Variants in CPED1 observed in about 807,000 individuals in gnomAD.
The protein encoded by CPED1 is cadherin-like and PC-esterase domain-containing protein 1.
Under a neutral mutation model 128.2 loss-of-function variants are expected in CPED1, and 114 were observed. The ratio of observed to expected loss-of-function variants is 0.89; its 90% CI spans 0.76 to 1.04. CPED1 has a LOEUF of 1.04. CPED1 is among the 50% of genes least tolerant of loss of function. The pLI is 0.00. For missense variants in CPED1, 1,211 were observed against 1,207.1 expected, an observed-to-expected ratio of 1.00 and a Z score of -0.05; for synonymous variants, 462 against 426.7, an observed-to-expected ratio of 1.08 and a Z score of -1.02.
rs374207025 is a variant in CPED1, at chr7:121,287,042, GT to G, written c.2869-8396del. 1.6e-3 allele frequency among the ~76,000 whole-genome samples: 243 copies of G among 152,252 alleles called. 1 individual carries two copies. The highest frequency in any genetic ancestry group is 5.7e-3 in the African/African-American group (238 of 41,542). Reference sequence around the variant, plus strand: ...TAAATCCCATGAGAACTCACTCACTGTTATGAAAACAGCATGGAGGAAACCA... The same window carrying G: ...TAAATCCCATGAGAACTCACTCACTGTATGAAAACAGCATGGAGGAAACCA... On this transcript the variant is annotated intron_variant, in intron 22 of 22. Coordinates refer to ENST00000310396, the MANE Select transcript of CPED1 (RefSeq NM_024913.5).
chr7:120,989,015 T>C (rs1366876641), intron 1 of CPED1, 103 bp downstream of exon 1: 1 of 152,532 alleles, frequency 6.6e-6, no homozygotes, highest in Non-Finnish European at 1.5e-5. Flanking sequence ...CTTTTTATGT[T>C]AAAAGCCGTG....
Position 121,244,188 on chromosome 7 carries a change from G to A in CPED1, c.2174-14G>A, listed in dbSNP as rs763043899. The A allele has an allele frequency of 1.8e-5, 29 of 1,613,968 alleles. 1 individual carries two copies. The East Asian group carries it at 2.2e-4, about 12-fold the overall frequency. On this transcript the variant is annotated splice_polypyrimidine_tract_variant and intron_variant, in intron 17 of 22. Transcript: ENST00000310396. ...CAGAAACAGAACCAAAGAAAGTTTT[G>A]CCATCTATTCCAGGCCAGTGGATTG... is the stretch of plus-strand genomic sequence containing the variant.
At chr7:121,164,851 T>A (rs1796488737) in intron 16 of CPED1, among the ~76,000 whole-genome samples, 1 of 152,234 alleles carries the variant, frequency 6.6e-6, no homozygotes, top group Admixed American at 6.5e-5. Context: ...GAGATAGTTT[T>A]ATTAGGGAAT....
chr7:121,212,972 G>A (rs760059891), intron 16 of CPED1, among the ~76,000 whole-genome samples: 29 of 151,940 alleles, frequency 1.9e-4, no homozygotes, highest in Non-Finnish European at 2.8e-4. Flanking sequence ...TTTTTCCGGG[G>A]GGGTGCAGGA....
rs890661163 is a variant in CPED1, at chr7:121,183,845, G to A, written c.2055+41704G>A. Among the ~76,000 whole-genome samples the A allele has an allele frequency of 2.6e-5, 4 of 152,066 alleles. No individual in the cohort carries two copies. In the East Asian group the frequency reaches 5.8e-4, roughly 22 times the overall value. Reference sequence around the variant, plus strand: ...ATTAAAGATTCATACAATTCACTTGGGGGTAGAGAACGACTGTTTTCCATA... The same window carrying A: ...ATTAAAGATTCATACAATTCACTTGAGGGTAGAGAACGACTGTTTTCCATA... On this transcript the variant is annotated intron_variant, in intron 16 of 22. Transcript: ENST00000310396.
intron 8 of CPED1, 129 bp downstream of exon 8, chr7:121,124,602 A>G (rs2116314751): frequency 1.6e-6 from 1 of 607,084 alleles, no homozygotes; most frequent in Non-Finnish European, 2.6e-6. Context: ...ATGTCAATAT[A>G]CAAACATGAT....
Position 121,125,836 on chromosome 7 carries a change from C to G in CPED1, c.1078C>G (p.Gln360Glu). 3 of 1,613,136 alleles carry G rather than the reference C, an allele frequency of 1.9e-6. No homozygotes were observed. The highest frequency in any genetic ancestry group is 2.5e-6 in the Non-Finnish European group (3 of 1,179,350). ...KTFHRCRFCF[Q>E]LLTFDIGYGS... ...TCATTTTAGATGCAGATTCTGCTTT[C>G]AACTTCTAACTTTTGATATTGGTTA... Residue 360 changes from glutamine (Q) to glutamate (E), a missense_variant, in exon 9 of 23, where the codon CAA (glutamine) becomes GAA (glutamate). Physicochemically the swap from Gln to Glu is conservative, Grantham distance 29. Transcript: ENST00000310396.
rs780444648 is a variant in CPED1 at position 121,125,805 on chromosome 7, G to C, written c.1062-15G>C. ...TGTATCTTTACTTTTATGGTACCTT[G>C]TGTTTTCATTTTAGATGCAGATTCT... is the stretch of plus-strand genomic sequence containing the variant. On this transcript the variant is annotated splice_polypyrimidine_tract_variant and intron_variant, in intron 8 of 22. Coordinates refer to ENST00000310396, the MANE Select transcript of CPED1 (RefSeq NM_024913.5). 1.3e-6 allele frequency: 2 copies of C among 1,593,342 alleles called. No individual in the cohort carries two copies. The highest frequency in any genetic ancestry group is 2.2e-5 in the South Asian group (2 of 90,606).
At chr7:121,102,577 G>A (rs1260568334) in intron 7 of CPED1, among the ~76,000 whole-genome samples, 1 of 152,146 alleles carries the variant, frequency 6.6e-6, no homozygotes, top group South Asian at 2.1e-4. Context: ...AAGGTTGACA[G>A]ACAGTAGGGT....
chr7:121,009,970 A>G (rs559416787), intron 2 of CPED1, among the ~76,000 whole-genome samples: 1 of 152,336 alleles, frequency 6.6e-6, no homozygotes, highest in Admixed American at 6.5e-5. Context: ...CATACTTTAC[A>G]TTTATGTATT....
At chr7:121,150,894 G>GA (rs1244094945) in intron 16 of CPED1, among the ~76,000 whole-genome samples, 1 of 151,906 alleles carries the variant, frequency 6.6e-6, no homozygotes, top group African/African-American at 2.4e-5. Flanking sequence ...TCAGCCTCTC[G>GA]AGTAGCTGGG....
intron 22 of CPED1, among the ~76,000 whole-genome samples, chr7:121,274,461 T>C (rs776308482): frequency 5.3e-5 from 8 of 152,184 alleles, no homozygotes; most frequent in Non-Finnish European, 1.0e-4. Context: ...GCTGTCTTGA[T>C]AGCAAGCCAT....
chr7:121,044,562 A>G (rs973201231), intron 3 of CPED1, among the ~76,000 whole-genome samples: 1 of 150,658 alleles, frequency 6.6e-6, no homozygotes, highest in African/African-American at 2.4e-5. Context: ...AAGCTGTGTA[A>G]TGCTTTGTAA....
intron 14 of CPED1, among the ~76,000 whole-genome samples, chr7:121,136,631 T>C (rs2116352356): frequency 6.6e-6 from 1 of 152,280 alleles, no homozygotes; most frequent in Admixed American, 6.5e-5. Flanking sequence ...ATTATTACGA[T>C]GGTCTTGCAA....
At chr7:121,028,173 T>C (rs2116850944) in intron 3 of CPED1, among the ~76,000 whole-genome samples, 1 of 152,278 alleles carries the variant, frequency 6.6e-6, no homozygotes, top group African/African-American at 2.4e-5. Context: ...CTACTCACAG[T>C]AGATCTGATT....
chr7:120,996,825 ACCCCTCC>A (rs2116745029), intron 2 of CPED1, among the ~76,000 whole-genome samples: 1 of 152,226 alleles, frequency 6.6e-6, no homozygotes, highest in South Asian at 2.1e-4. Context: ...TTAACCAGTT[ACCCCTCC>A]ATCTGCCTGC....
intron 16 of CPED1, among the ~76,000 whole-genome samples, chr7:121,207,752 T>C (rs1393303337): frequency 6.6e-6 from 1 of 152,050 alleles, no homozygotes; most frequent in Non-Finnish European, 1.5e-5. Context: ...TAGAGCACAA[T>C]AGGTCTGATA....
intron 2 of CPED1, among the ~76,000 whole-genome samples, chr7:120,991,786 C>T (rs146257969): frequency 4.6e-5 from 7 of 152,210 alleles, no homozygotes; most frequent in Admixed American, 1.3e-4. Flanking sequence ...TGATGAATTT[C>T]GTTTAAAAAT....
intron 5 of CPED1, among the ~76,000 whole-genome samples, chr7:121,064,640 TG>T (rs1258569314): frequency 6.6e-6 from 1 of 152,208 alleles, no homozygotes; most frequent in East Asian, 1.9e-4. Context: ...ATGTAACACT[TG>T]GGGGTTTTTA....
Sources: gnomAD v4.1 joint callset for allele counts (sites outside exome capture counted in the v4.1 genomes callset) on GRCh38, gnomAD v4.1.1 for gene constraint, MANE v1.5 for transcripts, NCBI Gene and HGNC (gene_info 2026-07-23, HGNC 2026-07-21) for gene names.